SLC45A4: variants seen among roughly 807,000 people sequenced by gnomAD.
SLC45A4 encodes polyamine-transporter SLC45A4.
Under a neutral mutation model 63.7 loss-of-function variants are expected in SLC45A4, and 32 were observed. The observed-to-expected ratio is 0.50, with a 90% CI of 0.38 to 0.67. The LOEUF is 0.67. Among genes scored for constraint, SLC45A4 ranks in the 30% least tolerant of loss-of-function variants. The probability of loss-of-function intolerance (pLI) is 0.00; values close to 1 mark genes in which losing one functional copy is unlikely to be tolerated. For missense variants in SLC45A4, 1,027 were observed against 1,157.7 expected (o/e 0.89, Z 1.64); for synonymous variants, 535 against 510.0 (o/e 1.05, Z -0.66).
chr8:141,265,237 G>A (rs1231104338), intron 1 of SLC45A4, among the ~76,000 whole-genome samples: 1 of 152,214 alleles, frequency 6.6e-6, no homozygotes, highest in Non-Finnish European at 1.5e-5. Flanking sequence ...TGCTGGGACT[G>A]GAACAAGGGC....
chr8:141,246,711 A>AC (rs1828223978), intron 2 of SLC45A4, among the ~76,000 whole-genome samples: 1 of 116,286 alleles, frequency 8.6e-6, no homozygotes, highest in African/African-American at 3.2e-5. Flanking sequence ...CTCCTCCCTG[A>AC]CCCCTCTGTG....
At chr8:141,244,371 A>C (rs1049514199) in intron 2 of SLC45A4, among the ~76,000 whole-genome samples, 1 of 152,232 alleles carries the variant, frequency 6.6e-6, no homozygotes, top group Non-Finnish European at 1.5e-5. Flanking sequence ...GCATGTGGCC[A>C]TATGAGGCAT....
At chr8:141,269,724 T>A (rs530914265) in intron 1 of SLC45A4, among the ~76,000 whole-genome samples, 1 of 152,268 alleles carries the variant, frequency 6.6e-6, no homozygotes, top group South Asian at 2.1e-4. Flanking sequence ...TCTCTGCATC[T>A]CTGGATGGAT....
chr8:141,273,522 G>A (rs937126443), intron 1 of SLC45A4, among the ~76,000 whole-genome samples: 4 of 152,152 alleles, frequency 2.6e-5, no homozygotes, highest in Admixed American at 6.5e-5. Flanking sequence ...CACCCGCAGC[G>A]TGGGAGAGGC....
Position 141,256,379 on chromosome 8 carries a change from T to G in SLC45A4, c.-400-1750A>C. 1 of 352,174 alleles carries G rather than the reference T, an allele frequency of 2.8e-6. No homozygotes were observed. Among genetic ancestry groups the G allele is most frequent in the Non-Finnish European group, 5.7e-6 (1 of 176,232 alleles). The allele number at this position is 352,174 out of a possible 1,614,324, so 21.8% of individuals were successfully genotyped here. A position where few individuals can be genotyped will look rare whatever the true frequency, so the allele number is the denominator to read the frequency against. On this transcript the variant is annotated intron_variant, in intron 1 of 8. Transcript: ENST00000517878. The surrounding 1 kb of genome is among the most constrained non-coding windows in gnomAD (Gnocchi z 4.3). The stretch of plus-strand genomic sequence containing the variant: ...AACAACTGGTTTCAACAAAAATATT[T>G]CTCATTACTTTCCACCGAACCAAAG...
At chr8:141,269,107 T>C (rs1829405580) in intron 1 of SLC45A4, among the ~76,000 whole-genome samples, 1 of 152,142 alleles carries the variant, frequency 6.6e-6, no homozygotes, top group African/African-American at 2.4e-5. Context: ...AGTCATACGC[T>C]GTATAGGGAG....
intron 1 of SLC45A4, among the ~76,000 whole-genome samples, chr8:141,255,781 G>C (rs1275717360): frequency 2.0e-5 from 3 of 152,060 alleles, no homozygotes; most frequent in Non-Finnish European, 4.4e-5. Context: ...AAAGTAGGAG[G>C]CTGGGTGGAA....
At chr8:141,219,239 G>A (rs1331495224) in intron 4 of SLC45A4, among the ~76,000 whole-genome samples, 2 of 152,260 alleles carry the variant, frequency 1.3e-5, no homozygotes, top group Admixed American at 6.5e-5. Flanking sequence ...ACTGCCCCTT[G>A]ATCAATGAAG....
chr8:141,261,576 A>G (rs1205339492), intron 1 of SLC45A4, among the ~76,000 whole-genome samples: 1 of 152,218 alleles, frequency 6.6e-6, no homozygotes, highest in Non-Finnish European at 1.5e-5. Context: ...TTATACACCA[A>G]TAACAGACAA....
rs1006236381 is a variant in SLC45A4 at position 141,207,925 on chromosome 8, A to ACC, written c.*3645_*3646dup. The ACC allele has an allele frequency of 6.6e-6, 1 of 152,048 alleles. No individual in the cohort carries two copies. Among genetic ancestry groups the ACC allele is most frequent in the African/African-American group, 2.4e-5 (1 of 41,344 alleles). 9.4% of individuals were successfully genotyped at this position (152,048 alleles called of 1,614,324 possible). A position where few individuals can be genotyped will look rare whatever the true frequency, so the allele number is the denominator to read the frequency against. ...CCTCTCCCAGGTGGTGAAGGGCAGA[A>ACC]CCCCCCCAGGAGCTCTCGGAAGCAG... On this transcript the variant is annotated 3_prime_UTR_variant, in exon 9 of 9. Coordinates refer to ENST00000517878, the MANE Select transcript of SLC45A4 (RefSeq NM_001286646.2).
Position 141,307,616 on chromosome 8 carries a change from G to A in SLC45A4, c.-401+480C>T, listed in dbSNP as rs570468991. Among the ~76,000 whole-genome samples, 327 of 152,218 alleles carry A rather than the reference G, an allele frequency of 2.1e-3. 1 individual carries two copies. The highest frequency in any genetic ancestry group is 3.8e-3 in the Non-Finnish European group (258 of 68,006). ...GGGAGAGGGGGCCACTTCGCGAGTG[G>A]TGTATCGCTGGTTGAATTCTCATAA... On this transcript the variant is annotated intron_variant, in intron 1 of 8. Transcript: ENST00000517878.
rs1020971774 is a variant in SLC45A4 at position 141,209,129 on chromosome 8, G to A, written c.*2443C>T. 1 of 152,564 alleles carries A rather than the reference G, an allele frequency of 6.6e-6. No individual in the cohort carries two copies. The highest frequency in any genetic ancestry group is 6.5e-5 in the Admixed American group (1 of 15,284). 9.5% of individuals were successfully genotyped at this position (152,564 alleles called of 1,614,324 possible). A position where few individuals can be genotyped will look rare whatever the true frequency, so the allele number is the denominator to read the frequency against. ...GGCCTCCTCGTCCCTCTCGGGCAAG[G>A]CTATCAGCCAGAGCACCTCCCCTTT... On this transcript the variant is annotated 3_prime_UTR_variant, in exon 9 of 9. Coordinates refer to ENST00000517878, the MANE Select transcript of SLC45A4 (RefSeq NM_001286646.2).
rs190717408 is a variant in SLC45A4 at position 141,281,159 on chromosome 8, T to C, written c.-400-26530A>G. 6.5e-3 allele frequency among the ~76,000 whole-genome samples: 993 copies of C among 152,066 alleles called. 14 individuals carry two copies. Among genetic ancestry groups the C allele is most frequent in the African/African-American group, 0.023 (965 of 41,466 alleles). On this transcript the variant is annotated intron_variant, in intron 1 of 8. Coordinates refer to ENST00000517878, the MANE Select transcript of SLC45A4 (RefSeq NM_001286646.2). ...TTCGAGACCAGCCTGGCCAACATAG[T>C]GAAACCCTGTCTCTACTAAAAGTAC... is the stretch of plus-strand genomic sequence containing the variant.
intron 1 of SLC45A4, among the ~76,000 whole-genome samples, chr8:141,273,043 T>C (rs1200255759): frequency 6.6e-6 from 1 of 152,164 alleles, no homozygotes; most frequent in African/African-American, 2.4e-5. Context: ...GAAGATGCAG[T>C]GTCCGACACG....
chr8:141,292,405 C>A (rs370821555), intron 1 of SLC45A4, among the ~76,000 whole-genome samples: 46 of 152,252 alleles, frequency 3.0e-4, no homozygotes, highest in African/African-American at 1.0e-3. Flanking sequence ...ACAGCTCCCA[C>A]CCAACAGGGA....
intron 1 of SLC45A4, among the ~76,000 whole-genome samples, chr8:141,299,577 G>A (rs1186438195): frequency 6.6e-6 from 1 of 152,256 alleles, no homozygotes; most frequent in African/African-American, 2.4e-5. Flanking sequence ...ATCCAGCAGA[G>A]GGTGGTGGTG....
intron 1 of SLC45A4, among the ~76,000 whole-genome samples, chr8:141,267,965 T>G (rs1312734423): frequency 6.6e-6 from 1 of 152,194 alleles, no homozygotes; most frequent in African/African-American, 2.4e-5. Flanking sequence ...TCCTTGGTAT[T>G]TACCAAACAG....
chr8:141,267,552 T>A (rs1248062997), intron 1 of SLC45A4, among the ~76,000 whole-genome samples: 2 of 152,204 alleles, frequency 1.3e-5, no homozygotes, highest in Non-Finnish European at 2.9e-5. Context: ...ATGCACATGA[T>A]GTGTTGGATT....
intron 1 of SLC45A4, among the ~76,000 whole-genome samples, chr8:141,281,454 G>A (rs1328132571): frequency 6.6e-6 from 1 of 152,262 alleles, no homozygotes; most frequent in Non-Finnish European, 1.5e-5. Flanking sequence ...GTAAAGGGCA[G>A]GTGGCGACAC....
Sources: gnomAD v4.1 joint callset for allele counts (sites outside exome capture counted in the v4.1 genomes callset) on GRCh38, gnomAD v4.1.1 for gene constraint, Gnocchi (gnomAD v3.1) non-coding constraint, MANE v1.5 for transcripts, NCBI Gene and HGNC (gene_info 2026-07-23, HGNC 2026-07-21) for gene names.